ZNF782: variants seen among roughly 807,000 people sequenced by gnomAD.
ZNF782 encodes the protein zinc finger protein 782.
ZNF782 carries 12 observed loss-of-function variants against 13.0 expected under a neutral mutation model. That is an observed-to-expected ratio of 0.92 (90% CI 0.59 to 1.50). ZNF782 has a LOEUF of 1.50. Ranked by LOEUF, ZNF782 falls within the 40% of genes most tolerant of loss-of-function variation. ZNF782 has a pLI of 0.00. For missense variants in ZNF782, 770 were observed against 822.9 expected, an observed-to-expected ratio of 0.94 and a Z score of 0.79; for synonymous variants, 284 against 283.0, an observed-to-expected ratio of 1.00 and a Z score of -0.04.
chr9:96,819,605 T>C lies in ZNF782; in HGVS notation c.418A>G (p.Ile140Val). The C allele has an allele frequency of 6.2e-7, 1 of 1,614,018 alleles. No individual in the cohort carries two copies. The highest frequency in any genetic ancestry group is 1.1e-5 in the South Asian group (1 of 91,004). ...AGCCCCTGGCAAGCAGACCCCGCAA[T>C]GTCACATTTACAAGGCATCATTCTT... ...RARMMPCKCD[I>V]AGSACQGLSL... Residue 140 changes from isoleucine to valine, a missense_variant, in exon 6 of 6, where the codon ATT becomes GTT. Ile to Val is a conservative substitution (Grantham distance 29). Coordinates refer to ENST00000481138, the MANE Select transcript of ZNF782 (RefSeq NM_001001662.3).
the ZNF782 span, chr9:96,889,274 C>T: frequency 6.6e-6 from 1 of 152,200 alleles, no homozygotes; most frequent in Non-Finnish European, 1.5e-5. Context: ...CCAGACATGA[C>T]ACCAGGAAGC....
In ZNF782 at chr9:96,845,652, G is replaced by GA. The variant is rs1190085940; in HGVS notation, c.16-637dup. 4.6e-5 allele frequency among the ~76,000 whole-genome samples: 7 copies of GA among 151,866 alleles called. No individual in the cohort carries two copies. In the East Asian group the frequency reaches 1.3e-3, roughly 29 times the overall value. On this transcript the variant is annotated intron_variant, in intron 3 of 5. Transcript: ENST00000481138. The stretch of plus-strand genomic sequence containing the variant: ...CATGATACATAACACAAAAAGCTCA[G>GA]AAAAAAGAATAAAAAGAAACGAACA...
the ZNF782 span, chr9:96,931,878 C>T: frequency 5.0e-6 from 8 of 1,612,426 alleles, no homozygotes; most frequent in Non-Finnish European, 6.8e-6. Flanking sequence ...GTGCTCTCTG[C>T]CTTCCCCAGC....
At chr9:96,874,357 C>A (rs750817550) in intron 1 of ZNF782, among the ~76,000 whole-genome samples, 1 of 150,024 alleles carries the variant, frequency 6.7e-6, no homozygotes, top group Admixed American at 6.5e-5. Flanking sequence ...TCAAGACTAG[C>A]GTGACTAGTG....
intron 1 of ZNF782, among the ~76,000 whole-genome samples, chr9:96,874,752 C>G (rs1193181642): frequency 6.6e-6 from 1 of 152,214 alleles, no homozygotes; most frequent in Non-Finnish European, 1.5e-5. Context: ...CAGTGGCCCC[C>G]TGCTTCCTAA....
chr9:96,875,583 C>T (rs1255747645), exon 1 of ZNF782: 1 of 456,716 alleles, frequency 2.2e-6, no homozygotes, highest in Non-Finnish European at 4.4e-6. Context: ...ACGGGCTCTC[C>T]TCTGCCGCCG....
chr9:96,845,013 A>G lies in ZNF782; in HGVS notation c.19T>C (p.Ser7Pro), dbSNP rs1213019576. ...ACAGTCACGTCCTGGAATGACACTG[A>G]TGCCTGTAACAGCGCATTTCTAATT... MNTFQA[S>P]VSFQDVTVEF... is the part of the protein sequence containing the mutation. Residue 7 changes from serine to proline, a missense_variant, in exon 4 of 6, where the codon TCA becomes CCA. Physicochemically the swap from Ser to Pro is moderately conservative, Grantham distance 74 (BLOSUM62 -1). Coordinates refer to ENST00000481138, the MANE Select transcript of ZNF782 (RefSeq NM_001001662.3). 1.2e-6 allele frequency: 2 copies of G among 1,614,000 alleles called. No individual in the cohort carries two copies. Among genetic ancestry groups the G allele is most frequent in the Non-Finnish European group, 1.7e-6 (2 of 1,179,902 alleles).
At chr9:96,905,667 C>T in the ZNF782 span, among the ~76,000 whole-genome samples, 2 of 152,030 alleles carry the variant, frequency 1.3e-5, no homozygotes, top group Admixed American at 6.6e-5. Flanking sequence ...CTCACTGCAA[C>T]CTCTGCCTCC....
At chr9:96,863,983 A>AACC (rs933226631) in intron 1 of ZNF782, among the ~76,000 whole-genome samples, 61 of 152,010 alleles carry the variant, frequency 4.0e-4, no homozygotes, top group African/African-American at 1.4e-3. Flanking sequence ...TGTAAGCAAA[A>AACC]ACCACCTGTA....
chr9:96,843,062 T>C (rs1398701275), intron 4 of ZNF782, among the ~76,000 whole-genome samples: 1 of 152,132 alleles, frequency 6.6e-6, no homozygotes, highest in African/African-American at 2.4e-5. Flanking sequence ...CCAGAAAGGA[T>C]AGGGAATAAC....
At chr9:96,821,765 G>A (rs1046762143) in intron 5 of ZNF782, among the ~76,000 whole-genome samples, 3 of 150,898 alleles carry the variant, frequency 2.0e-5, no homozygotes, top group African/African-American at 7.3e-5. Flanking sequence ...TTCACCTCCC[G>A]GGTTCACACC....
intron 4 of ZNF782, among the ~76,000 whole-genome samples, chr9:96,834,819 T>C (rs747300087): frequency 2.0e-5 from 3 of 152,104 alleles, no homozygotes; most frequent in Non-Finnish European, 2.9e-5. Flanking sequence ...CGGAAGTAGC[T>C]TTGGAACTGG....
At chr9:96,826,849 T>C (rs1233803958) in intron 5 of ZNF782, among the ~76,000 whole-genome samples, 1 of 152,218 alleles carries the variant, frequency 6.6e-6, no homozygotes, top group Admixed American at 6.5e-5. Flanking sequence ...ATTTTACATA[T>C]GTTTTCAAAA....
At chr9:96,830,358 C>A (rs1230070684) in intron 4 of ZNF782, among the ~76,000 whole-genome samples, 1 of 152,170 alleles carries the variant, frequency 6.6e-6, no homozygotes, top group African/African-American at 2.4e-5. Flanking sequence ...CCAAGCCAGG[C>A]AGTGACAAGG....
intron 4 of ZNF782, among the ~76,000 whole-genome samples, chr9:96,827,903 A>C (rs1850679237): frequency 1.3e-5 from 2 of 152,236 alleles, no homozygotes; most frequent in Admixed American, 6.5e-5. Context: ...TACTTGTGAG[A>C]GAGTTGCCAA....
chr9:96,818,632 A>G lies in ZNF782; in HGVS notation c.1391T>C (p.Ile464Thr), dbSNP rs151263121. The G allele has an allele frequency of 6.2e-7, 1 of 1,611,482 alleles. No homozygotes were observed. Among genetic ancestry groups the G allele is most frequent in the East Asian group, 2.2e-5 (1 of 44,688 alleles). Residue 464 changes from isoleucine (I) to threonine (T), a missense_variant, in exon 6 of 6, where the codon ATC (isoleucine) becomes ACC (threonine). Ile to Thr is a moderately conservative substitution (Grantham distance 89). Transcript: ENST00000481138. ...ECGKSFNYKSILIVHQRTHTG... is the reference protein window; with the variant it reads ...ECGKSFNYKSTLIVHQRTHTG... ...GTGAGTTCTCTGATGCACTATGAGG[A>G]TTGACTTATAGTTAAAAGATTTCCC...
chr9:96,899,967 T>C, the ZNF782 span, among the ~76,000 whole-genome samples: 1 of 151,800 alleles, frequency 6.6e-6, no homozygotes, highest in African/African-American at 2.4e-5. Flanking sequence ...ATCCCGCTAA[T>C]TTTTTATTTT....
At chr9:96,898,579 C>T in the ZNF782 span, among the ~76,000 whole-genome samples, 1 of 148,294 alleles carries the variant, frequency 6.7e-6, no homozygotes, top group Non-Finnish European at 1.5e-5. Context: ...CACAGTCTCC[C>T]TCTATTGCCC....
intron 1 of ZNF782, among the ~76,000 whole-genome samples, chr9:96,874,987 A>G (rs1177958216): frequency 6.6e-6 from 1 of 152,230 alleles, no homozygotes; most frequent in Non-Finnish European, 1.5e-5. Flanking sequence ...ACACAAGGTA[A>G]GGTTCTACCC....
Sources: gnomAD v4.1 joint callset for allele counts (sites outside exome capture counted in the v4.1 genomes callset) on GRCh38, gnomAD v4.1.1 for gene constraint, MANE v1.5 for transcripts, NCBI Gene and HGNC (gene_info 2026-07-23, HGNC 2026-07-21) for gene names.